Variants in NKAIN2 observed in about 807,000 individuals in gnomAD.
The protein encoded by NKAIN2 is sodium/potassium-transporting ATPase subunit beta-1-interacting protein 2.
Under a neutral mutation model 32.6 loss-of-function variants are expected in NKAIN2, and 14 were observed. That is an observed-to-expected ratio of 0.43 (90% CI 0.28 to 0.67). NKAIN2 has a LOEUF of 0.67. Ranked by LOEUF, NKAIN2 falls within the 30% of genes least tolerant of loss-of-function variation. The pLI is 0.17. For synonymous variants in NKAIN2, 80 were observed against 87.2 expected, an observed-to-expected ratio of 0.92 and a Z score of 0.46; for missense variants, 198 against 258.3, an observed-to-expected ratio of 0.77 and a Z score of 1.60.
chr6:124,424,579 G>A (rs1275672393), intron 3 of NKAIN2, among the ~76,000 whole-genome samples: 4 of 152,054 alleles, frequency 2.6e-5, no homozygotes, highest in Admixed American at 2.6e-4. Context: ...CCTGAACCAT[G>A]ACTGGACCCC....
At chr6:124,438,291 TA>T (rs1279776319) in intron 3 of NKAIN2, among the ~76,000 whole-genome samples, 2 of 152,118 alleles carry the variant, frequency 1.3e-5, no homozygotes, top group Non-Finnish European at 2.9e-5. Flanking sequence ...CTTCACCTTA[TA>T]AACACTACAC....
At chr6:124,612,451 G>T (rs1461466475) in intron 3 of NKAIN2, among the ~76,000 whole-genome samples, 2 of 152,140 alleles carry the variant, frequency 1.3e-5, no homozygotes, top group Non-Finnish European at 2.9e-5. Context: ...ATTTAAAAAA[G>T]AGAAATATTC....
intron 3 of NKAIN2, among the ~76,000 whole-genome samples, chr6:124,550,052 T>C (rs936591988): frequency 2.6e-5 from 4 of 152,228 alleles, no homozygotes; most frequent in Admixed American, 2.6e-4. Context: ...GTGGATCTTG[T>C]CTGGGGCAAA....
intron 3 of NKAIN2, among the ~76,000 whole-genome samples, chr6:124,489,145 TTAATG>T (rs955369014): frequency 6.6e-6 from 1 of 151,896 alleles, no homozygotes; most frequent in Non-Finnish European, 1.5e-5. Flanking sequence ...GAATACAAAA[TTAATG>T]TAAGAGATGA....
intron 1 of NKAIN2, among the ~76,000 whole-genome samples, chr6:124,108,145 A>G (rs1390937927): frequency 2.6e-5 from 4 of 152,142 alleles, no homozygotes; most frequent in African/African-American, 4.8e-5. Context: ...TCCACAGTGT[A>G]CAAGAGTTCC....
chr6:124,258,023 C>T (rs889328734), intron 1 of NKAIN2, among the ~76,000 whole-genome samples: 1 of 151,934 alleles, frequency 6.6e-6, no homozygotes, highest in Non-Finnish European at 1.5e-5. Context: ...TCAGGTGATT[C>T]ATTGCCTCGG....
At chr6:124,147,222 A>G (rs1787454522) in intron 1 of NKAIN2, among the ~76,000 whole-genome samples, 1 of 152,204 alleles carries the variant, frequency 6.6e-6, no homozygotes. Flanking sequence ...CACACTGTGT[A>G]TTCATTCAGG....
intron 1 of NKAIN2, among the ~76,000 whole-genome samples, chr6:124,263,721 A>G (rs59689870): frequency 2.0e-5 from 3 of 152,096 alleles, no homozygotes; most frequent in East Asian, 1.9e-4. Flanking sequence ...TGTTTGTTTA[A>G]TTTAAACAGC....
chr6:124,632,483 A>G lies in NKAIN2; in HGVS notation c.274-25703A>G, dbSNP rs116751953. The stretch of plus-strand genomic sequence containing the variant: ...TGATTGAATTGTTTGTTTCTTTCCC[A>G]ATATTTGTGCCTTAAACTTCTAATT... On this transcript the variant is annotated intron_variant, in intron 3 of 6. Coordinates refer to ENST00000368417, the MANE Select transcript of NKAIN2 (RefSeq NM_001040214.3). Among the ~76,000 whole-genome samples, 550 of 152,122 alleles carry G rather than the reference A, an allele frequency of 3.6e-3. 3 individuals carry two copies. Among genetic ancestry groups the G allele is most frequent in the African/African-American group, 0.013 (527 of 41,506 alleles).
chr6:124,186,925 C>A (rs1789772495), intron 1 of NKAIN2, among the ~76,000 whole-genome samples: 1 of 150,736 alleles, frequency 6.6e-6, no homozygotes, highest in African/African-American at 2.4e-5. Flanking sequence ...TCTAGGATAC[C>A]TTAAAACAGA....
chr6:123,841,162 T>C (rs1030516209), intron 1 of NKAIN2, among the ~76,000 whole-genome samples: 9 of 152,162 alleles, frequency 5.9e-5, no homozygotes, highest in African/African-American at 2.2e-4. Context: ...TGTACACAAA[T>C]AGAAGAAGAA....
At chr6:124,810,574 G>A (rs1027901271) in intron 5 of NKAIN2, among the ~76,000 whole-genome samples, 1 of 151,948 alleles carries the variant, frequency 6.6e-6, no homozygotes, top group African/African-American at 2.4e-5. Context: ...CATGTCACAT[G>A]TATACATGTC....
rs377605711 is a variant in NKAIN2 at position 124,736,718 on chromosome 6, C to A, written c.475-54621C>A. 1.8e-4 allele frequency among the ~76,000 whole-genome samples: 27 copies of A among 151,990 alleles called. No individual in the cohort carries two copies. The East Asian group carries it at 3.1e-3, about 18-fold the overall frequency. On this transcript the variant is annotated intron_variant, in intron 4 of 6. Transcript: ENST00000368417. The stretch of plus-strand genomic sequence containing the variant: ...AGCACAGTTTACTGAATATTTTAAG[C>A]CCACTATTGTGACTTACTGCTCAGA...
chr6:124,008,500 T>C (rs1562305527), intron 1 of NKAIN2, among the ~76,000 whole-genome samples: 1 of 28,024 alleles, frequency 3.6e-5, no homozygotes, highest in Non-Finnish European at 6.8e-5. Flanking sequence ...CAGAGCACCC[T>C]TGGTAAAAGG....
intron 1 of NKAIN2, among the ~76,000 whole-genome samples, chr6:123,927,188 A>G (rs904809008): frequency 2.0e-5 from 3 of 152,206 alleles, no homozygotes; most frequent in African/African-American, 7.2e-5. Flanking sequence ...ACTAAATGGG[A>G]TGGAGCTGTC....
At chr6:124,039,206 T>C (rs1343423582) in intron 1 of NKAIN2, among the ~76,000 whole-genome samples, 5 of 152,040 alleles carry the variant, frequency 3.3e-5, no homozygotes, top group Non-Finnish European at 5.9e-5. Flanking sequence ...ATACCAACTC[T>C]GAGAAATAAC....
At chr6:124,440,202 A>G (rs1775631261) in intron 3 of NKAIN2, among the ~76,000 whole-genome samples, 2 of 152,086 alleles carry the variant, frequency 1.3e-5, no homozygotes, top group Non-Finnish European at 2.9e-5. Context: ...GTCCTGAGGT[A>G]GGACTGATGA....
chr6:124,585,325 G>A (rs1292103250), intron 3 of NKAIN2, among the ~76,000 whole-genome samples: 1 of 152,198 alleles, frequency 6.6e-6, no homozygotes, highest in East Asian at 1.9e-4. Flanking sequence ...GTAGCTGGGG[G>A]GAGAGGGTTA....
intron 1 of NKAIN2, among the ~76,000 whole-genome samples, chr6:123,817,653 C>T (rs1007019689): frequency 9.2e-5 from 14 of 152,080 alleles, no homozygotes; most frequent in African/African-American, 2.9e-4. Flanking sequence ...CCTATGAAAA[C>T]GGAATCTTCA....
Sources: allele counts gnomAD v4.1 joint callset (sites outside exome capture counted in the v4.1 genomes callset), GRCh38; gene constraint gnomAD v4.1.1; transcripts MANE v1.5; gene names NCBI Gene and HGNC (gene_info 2026-07-23, HGNC 2026-07-21).